Variants in ATRX observed in about 807,000 individuals in gnomAD.
The protein encoded by ATRX is chromatin remodeler ATRX.
In ATRX, 12 loss-of-function variants were observed where a neutral mutation model predicts 172.6. The ratio of observed to expected loss-of-function variants is 0.07; its 90% CI spans 0.04 to 0.11. The LOEUF (loss-of-function observed/expected upper bound fraction) is 0.11, where lower values mean the gene tolerates loss of function less well. Among genes scored for constraint, ATRX ranks in the 10% least tolerant of loss-of-function variants. The pLI, the probability that ATRX is intolerant of heterozygous loss-of-function variation, is 1.00. For synonymous variants in ATRX, 674 were observed against 594.7 expected (o/e 1.13, Z -1.94); for missense variants, 1,368 against 1,767.4 (o/e 0.77, Z 4.05).
chrX:77,608,835 C>T (rs782093491), intron 22 of ATRX, among the ~76,000 whole-genome samples: 21 of 111,627 alleles, frequency 1.9e-4, no homozygotes, highest in African/African-American at 5.2e-4. Flanking sequence ...CTGCAAACTA[C>T]GCATCTGACA....
chrX:77,731,941 C>A (rs2074313884), intron 1 of ATRX, among the ~76,000 whole-genome samples: 1 of 111,595 alleles, frequency 9.0e-6, no homozygotes, highest in African/African-American at 3.3e-5. Flanking sequence ...AGTGCAGGTA[C>A]CCAAAAAAGA....
intron 6 of ATRX, 52 bp from the exon 7 acceptor site, chrX:77,688,979 C>G (rs1402269422): frequency 2.1e-6 from 2 of 975,083 alleles, no homozygotes; most frequent in African/African-American, 3.8e-5. Flanking sequence ...GAAAAAGATA[C>G]TTACTTTAGT....
At chrX:77,644,245 G>A (rs2068800161) in intron 15 of ATRX, among the ~76,000 whole-genome samples, 1 of 112,647 alleles carries the variant, frequency 8.9e-6, no homozygotes, top group African/African-American at 3.2e-5. Context: ...CCCAGCAGAC[G>A]TTCAAAAAAA....
chrX:77,714,131 G>A (rs1557163291), intron 2 of ATRX, among the ~76,000 whole-genome samples: 1 of 111,542 alleles, frequency 9.0e-6, no homozygotes, highest in African/African-American at 3.3e-5. Flanking sequence ...GAGAAGAAAT[G>A]AAGACACCTG....
chrX:77,683,629 C>G lies in ATRX; in HGVS notation c.1627G>C (p.Asp543His), dbSNP rs1557141156. 2.5e-6 allele frequency: 3 copies of G among 1,209,932 alleles called. No individual in the cohort carries two copies. Among genetic ancestry groups the G allele is most frequent in the Admixed American group, 4.4e-5 (2 of 45,747 alleles). Residue 543 changes from aspartate (D) to histidine (H), a missense_variant, in exon 9 of 35, where the codon GAT (aspartate) becomes CAT (histidine). This residue lies in a region of ATRX where 843 missense variants were observed against 643.1 expected (regional missense o/e 1.31). Transcript: ENST00000373344. ...CCACTGCTGCCATCCCCTTGATGAT[C>G]AACTGAACTCTGAACTTCCATAGCA... is the stretch of plus-strand genomic sequence containing the variant. ...ETAMEVQSSV[D>H]HQGDGSSGTE... is the part of the protein sequence containing the mutation.
At chrX:77,651,534 A>G (rs1557116854) in intron 15 of ATRX, among the ~76,000 whole-genome samples, 1 of 111,843 alleles carries the variant, frequency 8.9e-6, no homozygotes, top group Non-Finnish European at 1.9e-5. Flanking sequence ...TGAAATAGTG[A>G]CAGTAGGAAA....
intron 30 of ATRX, among the ~76,000 whole-genome samples, chrX:77,537,132 C>T (rs2063775384): frequency 8.9e-6 from 1 of 111,858 alleles, no homozygotes; most frequent in Admixed American, 9.5e-5. Context: ...TTGTATTGAA[C>T]AGTGAGTCTC....
chrX:77,719,967 A>C (rs1557167927), intron 1 of ATRX, among the ~76,000 whole-genome samples: 1 of 112,059 alleles, frequency 8.9e-6, no homozygotes, highest in Non-Finnish European at 1.9e-5. Flanking sequence ...AAAGAACGGA[A>C]ATCATAACAG....
intron 1 of ATRX, among the ~76,000 whole-genome samples, chrX:77,766,721 C>T (rs2075964221): frequency 9.5e-6 from 1 of 105,311 alleles, no homozygotes; most frequent in Non-Finnish European, 2.0e-5. Flanking sequence ...GGCAGAGACG[C>T]TCCTCACTTT....
In ATRX at chrX:77,515,678, G is replaced by A. The variant is rs45573337; in HGVS notation, c.7200+5110C>T. On this transcript the variant is annotated intron_variant, in intron 34 of 34. Coordinates refer to ENST00000373344, the MANE Select transcript of ATRX (RefSeq NM_000489.6). ...TGCCTCTGCATTTGGTTTATTGAACGCAGCTCATCACAAAGAGTCTGACAA... is the reference window on the plus strand; with the variant it reads ...TGCCTCTGCATTTGGTTTATTGAACACAGCTCATCACAAAGAGTCTGACAA... 6.0e-3 allele frequency among the ~76,000 whole-genome samples: 670 copies of A among 111,742 alleles called. 4 individuals are homozygous for A. The highest frequency in any genetic ancestry group is 0.02 in the African/African-American group (614 of 30,738).
chrX:77,721,185 TA>T (rs1477898140), intron 1 of ATRX, among the ~76,000 whole-genome samples: 25 of 111,249 alleles, frequency 2.2e-4, no homozygotes, highest in African/African-American at 8.2e-4. Context: ...CTCAAAATAA[TA>T]AGAGCTATTT....
At position 77,558,794 on chromosome X, in the gene ATRX, C is replaced by T. The variant is rs1602536860; in HGVS notation, c.6379G>A (p.Val2127Ile). ...TKAGSLGINL[V>I]AANRVIIFDA... Reference sequence around the variant, plus strand: ...AATATAATTACTCGATTAGCAGCTACCAGATTAATTCCTAGAGATCCTGCT... The same window carrying T: ...AATATAATTACTCGATTAGCAGCTATCAGATTAATTCCTAGAGATCCTGCT... Residue 2127 changes from valine to isoleucine, a missense_variant, in exon 29 of 35, where the codon GTA becomes ATA. Physicochemically the swap from Val to Ile is conservative, Grantham distance 29. Transcript: ENST00000373344. 5.0e-6 allele frequency: 6 copies of T among 1,203,946 alleles called. No homozygotes were observed. The highest frequency in any genetic ancestry group is 5.6e-6 in the Non-Finnish European group (5 of 888,782).
intron 30 of ATRX, among the ~76,000 whole-genome samples, chrX:77,537,760 T>C (rs1450774683): frequency 9.0e-6 from 1 of 111,725 alleles, no homozygotes; most frequent in Non-Finnish European, 1.9e-5. Context: ...GGACAAATTA[T>C]CTGATATTGG....
chrX:77,775,151 C>T (rs2076302684), intron 1 of ATRX, among the ~76,000 whole-genome samples: 1 of 111,550 alleles, frequency 9.0e-6, no homozygotes, highest in Non-Finnish European at 1.9e-5. Flanking sequence ...CTGCAATTTA[C>T]TCTGAAACAA....
At chrX:77,513,539 T>C (rs1557037700) in intron 34 of ATRX, among the ~76,000 whole-genome samples, 1 of 110,047 alleles carries the variant, frequency 9.1e-6, no homozygotes, top group East Asian at 2.9e-4. Context: ...CCAGGACTCA[T>C]TCCTGGCCCA....
At chrX:77,748,142 T>C (rs928978647) in intron 1 of ATRX, among the ~76,000 whole-genome samples, 9 of 112,035 alleles carry the variant, frequency 8.0e-5, no homozygotes, top group Admixed American at 3.8e-4. Context: ...ATTATTTTTC[T>C]GATCCATGCA....
At chrX:77,623,520 A>T (rs782310564) in intron 19 of ATRX, among the ~76,000 whole-genome samples, 1 of 111,957 alleles carries the variant, frequency 8.9e-6, no homozygotes, top group South Asian at 3.7e-4. Flanking sequence ...CTATCCCACA[A>T]GACAGAGAAA....
rs2068210215 is a variant in ATRX at position 77,633,587 on chromosome X, T to C, written c.4935A>G (p.Leu1645=). The change falls in exon 18 of 35, where the codon TTA becomes TTG. Residue 1645 remains leucine (L), a synonymous_variant. Coordinates refer to ENST00000373344, the MANE Select transcript of ATRX (RefSeq NM_000489.6). ...MNEFEKWQEG[L]KDDEKLEVSE... ...TTACCTCAAGCTTCTCATCATCTTTTAATCCCTCTTGCCACTTCTCAAATT... is the reference window on the plus strand; with the variant it reads ...TTACCTCAAGCTTCTCATCATCTTTCAATCCCTCTTGCCACTTCTCAAATT... 1 of 1,209,446 alleles carries C rather than the reference T, an allele frequency of 8.3e-7. No individual in the cohort carries two copies. The highest frequency in any genetic ancestry group is 1.8e-5 in the South Asian group (1 of 56,436).
intron 30 of ATRX, among the ~76,000 whole-genome samples, chrX:77,528,714 G>A (rs1369108630): frequency 8.9e-6 from 1 of 112,262 alleles, no homozygotes; most frequent in Non-Finnish European, 1.9e-5. Context: ...AACAATCAAT[G>A]CATAAATGCT....
Sources: allele counts gnomAD v4.1 joint callset (sites outside exome capture counted in the v4.1 genomes callset), GRCh38; gene constraint gnomAD v4.1.1; regional missense constraint gnomAD v4.1.1; transcripts MANE v1.5; gene names NCBI Gene and HGNC (gene_info 2026-07-23, HGNC 2026-07-21).